Variants in SLF1 observed in about 807,000 individuals in gnomAD.
SLF1 encodes the protein SMC5-SMC6 complex localization factor protein 1.
Under a neutral mutation model 123.0 loss-of-function variants are expected in SLF1, and 105 were observed. The observed-to-expected ratio is 0.85, with a 90% confidence interval of 0.73 to 1.00. The LOEUF is 1.00. SLF1 is among the 50% of genes least tolerant of loss of function. The pLI is 0.00. For missense variants in SLF1, 1,239 were observed against 1,223.0 expected, an observed-to-expected ratio of 1.01 and a Z score of -0.20; for synonymous variants, 434 against 406.6, an observed-to-expected ratio of 1.07 and a Z score of -0.81.
chr5:94,663,277 CCT>C (rs1256670569), intron 10 of SLF1, among the ~76,000 whole-genome samples: 1 of 152,176 alleles, frequency 6.6e-6, no homozygotes, highest in Non-Finnish European at 1.5e-5. Context: ...TACATATCAT[CCT>C]CTTTGAACTA....
chr5:94,674,420 A>C (rs1438869292), intron 14 of SLF1, among the ~76,000 whole-genome samples: 1 of 152,230 alleles, frequency 6.6e-6, no homozygotes, highest in Non-Finnish European at 1.5e-5. Context: ...ACTGGTTTTA[A>C]ATTTTGCAAA....
chr5:94,657,274 T>TATTTCCTTCTCA (rs924874143), intron 9 of SLF1, among the ~76,000 whole-genome samples: 1 of 152,004 alleles, frequency 6.6e-6, no homozygotes, highest in Non-Finnish European at 1.5e-5. Context: ...AGAAATGTTT[T>TATTTCCTTCTCA]ATTTCCTTCT....
At chr5:94,666,876 C>T (rs985321197) in intron 12 of SLF1, among the ~76,000 whole-genome samples, 1 of 151,652 alleles carries the variant, frequency 6.6e-6, no homozygotes, top group Non-Finnish European at 1.5e-5. Flanking sequence ...AATTGCTGGC[C>T]TCAAGTGATC....
chr5:94,685,833 C>CAAAA (rs758208359), intron 15 of SLF1, among the ~76,000 whole-genome samples: 2 of 110,672 alleles, frequency 1.8e-5, no homozygotes, highest in Non-Finnish European at 3.8e-5. Context: ...GACTCCGTCT[C>CAAAA]AAAAAAAAAA....
At chr5:94,621,509 A>G (rs994556507) in intron 1 of SLF1, among the ~76,000 whole-genome samples, 8 of 152,116 alleles carry the variant, frequency 5.3e-5, no homozygotes, top group Non-Finnish European at 1.2e-4. Context: ...TTCTAAGTAA[A>G]CCAAATTTCC....
chr5:94,674,636 A>G (rs538974298), intron 14 of SLF1, among the ~76,000 whole-genome samples: 3 of 152,278 alleles, frequency 2.0e-5, no homozygotes, highest in African/African-American at 7.2e-5. Flanking sequence ...TGAAGTATTC[A>G]ATTTAAGTCA....
Position 94,651,814 on chromosome 5 carries a change from A to G in SLF1, c.851A>G (p.Asn284Ser), listed in dbSNP as rs1747755711. 2.7e-6 allele frequency: 4 copies of G among 1,491,610 alleles called. No homozygotes were observed. Among genetic ancestry groups the G allele is most frequent in the Non-Finnish European group, 3.6e-6 (4 of 1,109,732 alleles). 92.4% of individuals were successfully genotyped at this position (1,491,610 alleles called of 1,614,324 possible). The change falls in exon 7 of 21, where the codon AAT (asparagine) becomes AGT (serine). Residue 284 changes from asparagine to serine, a missense_variant. Asn to Ser is a conservative substitution (Grantham distance 46). Coordinates refer to ENST00000265140, the MANE Select transcript of SLF1 (RefSeq NM_032290.4). ...SKDLKFVKMR[N>S]TFGSHTYENQ... ...GATTTGAAATTTGTTAAAATGAGAAATACCTTTGGAAGCCATACATATGAA... is the reference window on the plus strand; with the variant it reads ...GATTTGAAATTTGTTAAAATGAGAAGTACCTTTGGAAGCCATACATATGAA...
rs181882754 is a variant in SLF1 at position 94,681,198 on chromosome 5, C to T, written c.1975+2243C>T. 5.7e-4 allele frequency among the ~76,000 whole-genome samples: 86 copies of T among 152,122 alleles called. 1 individual carries two copies. The East Asian group carries it at 0.01, about 18-fold the overall frequency. On this transcript the variant is annotated intron_variant, in intron 15 of 20. Coordinates refer to ENST00000265140, the MANE Select transcript of SLF1 (RefSeq NM_032290.4). ...AGGCTGGAGTGCAGTGGCATGATCT[C>T]GGCTCACTGCAATCTCTGCCTCCCC... is the stretch of plus-strand genomic sequence containing the variant.
At chr5:94,676,842 A>G (rs1044635125) in intron 14 of SLF1, among the ~76,000 whole-genome samples, 1 of 152,226 alleles carries the variant, frequency 6.6e-6, no homozygotes, top group Admixed American at 6.5e-5. Context: ...TTGGTTTTGA[A>G]ATCATTTATC....
At chr5:94,620,111 C>A (rs563333322) in intron 1 of SLF1, 1 of 152,366 alleles carries the variant, frequency 6.6e-6, no homozygotes, top group South Asian at 2.1e-4. Flanking sequence ...AACTCCTGAT[C>A]TCAAGTGTTC....
intron 4 of SLF1, among the ~76,000 whole-genome samples, chr5:94,636,707 C>G (rs1007836285): frequency 2.4e-5 from 3 of 126,820 alleles, no homozygotes; most frequent in African/African-American, 8.9e-5. Flanking sequence ...TTGTATTTTA[C>G]TGATTTTTTT....
intron 4 of SLF1, among the ~76,000 whole-genome samples, chr5:94,636,547 GTCT>G (rs1409882696): frequency 6.6e-6 from 1 of 151,732 alleles, no homozygotes; most frequent in Non-Finnish European, 1.5e-5. Context: ...TGCTGTTGAA[GTCT>G]TCTGTTGCAT....
chr5:94,670,153 C>T lies in SLF1; in HGVS notation c.1535C>T (p.Ser512Phe). ...AWSLVEVLIR[S>F]CLFNESFCHQ... is the part of the protein sequence containing the mutation. ...ATTTTTGGGTTCATGTTTTTCAGGT[C>T]TTGCCTTTTCAATGAAAGCTTTTGT... The change falls in exon 13 of 21, where the codon TCT (serine) becomes TTT (phenylalanine). Residue 512 changes from serine to phenylalanine, a missense_variant and splice_region_variant. Coordinates refer to ENST00000265140, the MANE Select transcript of SLF1 (RefSeq NM_032290.4). 1 of 1,535,032 alleles carries T rather than the reference C, an allele frequency of 6.5e-7. No individual in the cohort carries two copies. The highest frequency in any genetic ancestry group is 2.5e-5 in the East Asian group (1 of 39,516).
chr5:94,693,193 T>G (rs956393075), intron 20 of SLF1, among the ~76,000 whole-genome samples: 1 of 152,136 alleles, frequency 6.6e-6, no homozygotes, highest in Non-Finnish European at 1.5e-5. Context: ...CATGGGAGTT[T>G]AAGACATTTG....
chr5:94,677,633 A>T (rs1287682396), intron 14 of SLF1, among the ~76,000 whole-genome samples: 1 of 152,010 alleles, frequency 6.6e-6, no homozygotes, highest in Non-Finnish European at 1.5e-5. Context: ...TAATTTAGTG[A>T]TTTTTTTTCC....
chr5:94,632,929 T>C (rs1012474605), intron 4 of SLF1, among the ~76,000 whole-genome samples: 2 of 152,128 alleles, frequency 1.3e-5, no homozygotes, highest in African/African-American at 4.8e-5. Flanking sequence ...GACCTCGTGA[T>C]CTGCCCGCCT....
At chr5:94,694,185 T>C (rs1937682733) in intron 20 of SLF1, among the ~76,000 whole-genome samples, 1 of 151,930 alleles carries the variant, frequency 6.6e-6, no homozygotes, top group Non-Finnish European at 1.5e-5. Context: ...CATCATCCTT[T>C]AGTACTTAGT....
chr5:94,622,369 A>T (rs1264205872), intron 1 of SLF1, among the ~76,000 whole-genome samples: 2 of 152,194 alleles, frequency 1.3e-5, no homozygotes, highest in Non-Finnish European at 2.9e-5. Flanking sequence ...AAAAGAATTC[A>T]CCAAAATAAC....
At chr5:94,625,964 G>A (rs190999282) in intron 1 of SLF1, among the ~76,000 whole-genome samples, 74 of 152,044 alleles carry the variant, frequency 4.9e-4, no homozygotes, top group African/African-American at 1.7e-3. Flanking sequence ...TTAAAAAATT[G>A]TATGATTAGG....
Sources: gnomAD v4.1 joint callset for allele counts (sites outside exome capture counted in the v4.1 genomes callset) on GRCh38, gnomAD v4.1.1 for gene constraint, MANE v1.5 for transcripts, NCBI Gene and HGNC (gene_info 2026-07-23, HGNC 2026-07-21) for gene names.